Variants in ATP1B3 observed in about 807,000 individuals in gnomAD.
ATP1B3 encodes sodium/potassium-transporting ATPase subunit beta-3.
In ATP1B3, 10 loss-of-function variants were observed where a neutral mutation model predicts 30.2. That is an observed-to-expected ratio of 0.33 (90% CI 0.20 to 0.56). The LOEUF (loss-of-function observed/expected upper bound fraction) is 0.56, where lower values mean the gene tolerates loss of function less well. Ranked by LOEUF, ATP1B3 falls within the 20% of genes least tolerant of loss-of-function variation. The pLI is 0.90. For synonymous variants in ATP1B3, 113 were observed against 117.0 expected (o/e 0.97, Z 0.22); for missense variants, 238 against 336.7 (o/e 0.71, Z 2.29).
chr3:141,910,544 T>G (rs745894500), intron 3 of ATP1B3, among the ~76,000 whole-genome samples: 3 of 152,184 alleles, frequency 2.0e-5, no homozygotes, highest in Non-Finnish European at 4.4e-5. Flanking sequence ...ATACTTGGTC[T>G]TTATATCTTC....
intron 2 of ATP1B3, among the ~76,000 whole-genome samples, chr3:141,904,953 C>G (rs1394679009): frequency 6.6e-6 from 1 of 151,964 alleles, no homozygotes; most frequent in Non-Finnish European, 1.5e-5. Context: ...TCAGGCGATC[C>G]ACCCGCCTCG....
rs1420671882 is a variant in ATP1B3 at position 141,879,269 on chromosome 3, G to A, written c.109+2359G>A. 2.6e-5 allele frequency among the ~76,000 whole-genome samples: 4 copies of A among 151,956 alleles called. No individual in the cohort carries two copies. The East Asian group carries it at 5.8e-4, about 22-fold the overall frequency. On this transcript the variant is annotated intron_variant, in intron 1 of 6. Coordinates refer to ENST00000286371, the MANE Select transcript of ATP1B3 (RefSeq NM_001679.4). ...GTTTCCCTATATTCACCCTTTTCAT[G>A]TACATTTTTGCACATTTATTTCCTT...
At chr3:141,900,244 A>G (rs1934138866) in intron 1 of ATP1B3, among the ~76,000 whole-genome samples, 1 of 152,064 alleles carries the variant, frequency 6.6e-6, no homozygotes, top group Admixed American at 6.5e-5. Flanking sequence ...CAGACCTCCA[A>G]GGAGGGCAGG....
chr3:141,889,619 T>C (rs1933897348), intron 1 of ATP1B3, among the ~76,000 whole-genome samples: 1 of 150,408 alleles, frequency 6.6e-6, no homozygotes. Context: ...TCCCAGCTAC[T>C]TGGGAGGCTG....
chr3:141,911,058 G>C (rs768958209), intron 3 of ATP1B3, among the ~76,000 whole-genome samples: 3 of 147,852 alleles, frequency 2.0e-5, no homozygotes, highest in Non-Finnish European at 3.0e-5. Context: ...CTGGATTTCT[G>C]TCTCTAAAGT....
chr3:141,908,063 G>A (rs1934293279), intron 3 of ATP1B3, among the ~76,000 whole-genome samples: 1 of 130,614 alleles, frequency 7.7e-6, no homozygotes, highest in Admixed American at 7.8e-5. Context: ...TTTGTGCCAG[G>A]CATTCTTTTT....
intron 1 of ATP1B3, among the ~76,000 whole-genome samples, chr3:141,877,249 C>CCCT (rs1933621711): frequency 6.6e-6 from 1 of 151,886 alleles, no homozygotes; most frequent in Non-Finnish European, 1.5e-5. Context: ...AGCCGGGCCC[C>CCCT]GAGAGTGCAG....
chr3:141,895,848 A>G (rs9853609), intron 1 of ATP1B3, among the ~76,000 whole-genome samples: 47,324 of 152,040 alleles, frequency 0.31, 8,994 homozygotes, highest in African/African-American at 0.54. Context: ...GCAGGATGTG[A>G]GAGTTTCAGT....
chr3:141,926,503 A>G lies in ATP1B3; in HGVS notation c.*802A>G, dbSNP rs1205322578. 1.3e-5 allele frequency: 2 copies of G among 152,068 alleles called. No individual in the cohort carries two copies. The highest frequency in any genetic ancestry group is 4.8e-5 in the African/African-American group (2 of 41,330). The allele number at this position is 152,068 out of a possible 1,614,324, so 9.4% of individuals were successfully genotyped here. ...CTGTGGACTGTAATAAAGTATATAA[A>G]TTGTGAAATATAAAAACTTGGAACT... is the stretch of plus-strand genomic sequence containing the variant. On this transcript the variant is annotated 3_prime_UTR_variant, in exon 7 of 7. Transcript: ENST00000286371.
chr3:141,904,087 G>C (rs528032651), intron 2 of ATP1B3, among the ~76,000 whole-genome samples: 1 of 152,124 alleles, frequency 6.6e-6, no homozygotes, highest in Non-Finnish European at 1.5e-5. Flanking sequence ...GCCTGGCAGT[G>C]GTTACGGCTT....
intron 1 of ATP1B3, among the ~76,000 whole-genome samples, chr3:141,882,991 C>T (rs1379068576): frequency 6.6e-6 from 1 of 152,202 alleles, no homozygotes; most frequent in Non-Finnish European, 1.5e-5. Context: ...TCAAGGGCTC[C>T]TTAGCACGAC....
At position 141,890,086 on chromosome 3, in the gene ATP1B3, C is replaced by CTTTT. The variant is rs1245235657; in HGVS notation, c.109+13195_109+13198dup. On this transcript the variant is annotated intron_variant, in intron 1 of 6. Coordinates refer to ENST00000286371, the MANE Select transcript of ATP1B3 (RefSeq NM_001679.4). ...AAATGCCTGTAATCTAATTTTTTTT[C>CTTTT]TTTTTTTTTTTTTTTTTTTTTTGAG... 4.6e-4 allele frequency among the ~76,000 whole-genome samples: 49 copies of CTTTT among 107,516 alleles called. 1 individual carries two copies. The highest frequency in any genetic ancestry group is 1.6e-3 in the African/African-American group (43 of 26,714). The allele number at this position is 107,516 out of a possible 152,430, so 70.5% of individuals were successfully genotyped here.
At chr3:141,917,716 C>G (rs1444824040) in intron 5 of ATP1B3, among the ~76,000 whole-genome samples, 1 of 151,928 alleles carries the variant, frequency 6.6e-6, no homozygotes, top group East Asian at 1.9e-4. Context: ...GCCAGAATCT[C>G]ACTTAAAACC....
chr3:141,899,602 G>T (rs1215972407), intron 1 of ATP1B3, among the ~76,000 whole-genome samples: 1 of 152,196 alleles, frequency 6.6e-6, no homozygotes, highest in African/African-American at 2.4e-5. Flanking sequence ...GGATGCAGTG[G>T]CTCACGCCTG....
At chr3:141,893,674 T>A (rs887742800) in intron 1 of ATP1B3, among the ~76,000 whole-genome samples, 1 of 152,176 alleles carries the variant, frequency 6.6e-6, no homozygotes, top group African/African-American at 2.4e-5. Flanking sequence ...TATTTGAAGT[T>A]TTGGTATACA....
At chr3:141,884,831 G>C (rs1933798723) in intron 1 of ATP1B3, among the ~76,000 whole-genome samples, 1 of 152,178 alleles carries the variant, frequency 6.6e-6, no homozygotes, top group Non-Finnish European at 1.5e-5. Context: ...CTAATGCAAT[G>C]TATGTATCTC....
chr3:141,906,202 C>T (rs557146905), intron 2 of ATP1B3, among the ~76,000 whole-genome samples: 18 of 147,982 alleles, frequency 1.2e-4, no homozygotes, highest in Non-Finnish European at 1.0e-4. Context: ...TTTTTTGAGA[C>T]GAAGTCTCGC....
intron 1 of ATP1B3, among the ~76,000 whole-genome samples, chr3:141,878,204 A>G (rs531126968): frequency 1.3e-5 from 2 of 152,322 alleles, no homozygotes; most frequent in East Asian, 1.9e-4. Context: ...CAAAGCCAAG[A>G]AAAGAACCCA....
intron 1 of ATP1B3, among the ~76,000 whole-genome samples, chr3:141,878,732 A>G (rs139613927): frequency 6.6e-6 from 1 of 152,246 alleles, no homozygotes; most frequent in African/African-American, 2.4e-5. Context: ...GATTAAGTCA[A>G]TCTCTTCAAA....
Sources: allele counts gnomAD v4.1 joint callset (sites outside exome capture counted in the v4.1 genomes callset), GRCh38; gene constraint gnomAD v4.1.1; transcripts MANE v1.5; gene names NCBI Gene and HGNC (gene_info 2026-07-23, HGNC 2026-07-21).